COL4A4: variants seen among roughly 807,000 people sequenced by gnomAD.
COL4A4 encodes collagen type IV alpha 4 chain.
COL4A4 carries 105 observed loss-of-function variants against 192.9 expected under a neutral mutation model. The ratio of observed to expected loss-of-function variants is 0.54; its 90% confidence interval spans 0.46 to 0.64. The LOEUF is 0.64. Among genes scored for constraint, COL4A4 ranks in the 30% least tolerant of loss-of-function variants. COL4A4 has a pLI of 0.00. For synonymous variants in COL4A4, 762 were observed against 769.9 expected (o/e 0.99, Z 0.17); for missense variants, 1,967 against 2,169.3 (o/e 0.91, Z 1.85).
In COL4A4 at chr2:227,144,516, C is replaced by T; in HGVS notation, c.114G>A (p.Gly38=). The T allele has an allele frequency of 1.9e-6, 3 of 1,609,114 alleles. No homozygotes were observed. The highest frequency in any genetic ancestry group is 2.2e-5 in the East Asian group (1 of 44,782). The change falls in exon 3 of 48, where the codon GGG becomes GGA. Residue 38 remains glycine (G), a splice_region_variant and synonymous_variant. Transcript: ENST00000396625. The stretch of plus-strand genomic sequence containing the variant: ...AACCAGAGCTAGTGAATGTACTTAC[C>T]CCATATACATATTGTACAGAAAAGA... The part of the protein sequence containing the change: ...LILFSVQYVY[G]SGKKYIGPCG...
Position 227,111,011 on chromosome 2 carries a change from A to T in COL4A4, c.594+667T>A, listed in dbSNP as rs112685436. Among the ~76,000 whole-genome samples, 581 of 152,326 alleles carry T rather than the reference A, an allele frequency of 3.8e-3. 3 individuals are homozygous for T. The highest frequency in any genetic ancestry group is 0.013 in the African/African-American group (534 of 41,572). On this transcript the variant is annotated intron_variant, in intron 9 of 47. Coordinates refer to ENST00000396625, the MANE Select transcript of COL4A4 (RefSeq NM_000092.5). ...ACTGCTCTCAATTTTAGTCTTGTAA[A>T]CATCGAAAAACTGGAAAGACTAATA... is the stretch of plus-strand genomic sequence containing the variant.
At chr2:227,079,876 C>T (rs2059226236) in intron 24 of COL4A4, among the ~76,000 whole-genome samples, 1 of 152,160 alleles carries the variant, frequency 6.6e-6, no homozygotes, top group Admixed American at 6.5e-5. Flanking sequence ...ATCGGATCAT[C>T]TCATCCTCTT....
chr2:227,050,970 C>T lies in COL4A4; in HGVS notation c.3150+7G>A. 6.2e-7 allele frequency: 1 copy of T among 1,614,166 alleles called. No individual in the cohort carries two copies. Among genetic ancestry groups the T allele is most frequent in the Non-Finnish European group, 8.5e-7 (1 of 1,180,032 alleles). On this transcript the variant is annotated splice_region_variant and intron_variant, in intron 33 of 47. Transcript: ENST00000396625. ...GTCTCTTCCCCCACAAAGCAGTAGCCCCTTACCTGGTCACCTGGAAGTCCT... is the reference window on the plus strand; with the variant it reads ...GTCTCTTCCCCCACAAAGCAGTAGCTCCTTACCTGGTCACCTGGAAGTCCT...
chr2:227,120,558 G>A (rs2061719744), intron 5 of COL4A4, among the ~76,000 whole-genome samples: 1 of 152,014 alleles, frequency 6.6e-6, no homozygotes, highest in Admixed American at 6.6e-5. Flanking sequence ...TCTGGAAAGG[G>A]GCCAAAAATG....
chr2:227,150,688 GC>G (rs1465000260), intron 1 of COL4A4, among the ~76,000 whole-genome samples: 1 of 152,166 alleles, frequency 6.6e-6, no homozygotes, highest in African/African-American at 2.4e-5. Flanking sequence ...TCTTCACAGG[GC>G]AGCAGGAGAC....
chr2:227,159,932 T>A (rs2064681578), intron 1 of COL4A4, among the ~76,000 whole-genome samples: 2 of 152,328 alleles, frequency 1.3e-5, no homozygotes, highest in Middle Eastern at 3.4e-3. Flanking sequence ...GAACAACAAA[T>A]CACCACATAT....
intron 37 of COL4A4, among the ~76,000 whole-genome samples, chr2:227,035,680 C>A (rs1969512091): frequency 6.6e-6 from 1 of 152,174 alleles, no homozygotes; most frequent in Non-Finnish European, 1.5e-5. Context: ...AACACACAGA[C>A]CTTCTTTATC....
At position 227,026,498 on chromosome 2, in the gene COL4A4, C is replaced by CAA. The variant is rs1223060129; in HGVS notation, c.4082-690_4082-689dup. 9.5e-3 allele frequency among the ~76,000 whole-genome samples: 691 copies of CAA among 72,810 alleles called. 7 individuals carry two copies. Among genetic ancestry groups the CAA allele is most frequent in the African/African-American group, 0.03 (657 of 21,776 alleles). The allele number at this position is 72,810 out of a possible 152,430, so 47.8% of individuals were successfully genotyped here. ...TGGGTGACAAAGCGAGACTCCGTCTCAAAAAAAAAAAAAAAAAGAATCAAC... is the reference window on the plus strand; with the variant it reads ...TGGGTGACAAAGCGAGACTCCGTCTCAAAAAAAAAAAAAAAAAAAGAATCAAC... On this transcript the variant is annotated intron_variant, in intron 42 of 47. Transcript: ENST00000396625.
intron 19 of COL4A4, among the ~76,000 whole-genome samples, chr2:227,097,102 G>A (rs1177504034): frequency 6.6e-6 from 1 of 152,116 alleles, no homozygotes; most frequent in East Asian, 1.9e-4. Context: ...ACCTGATGTG[G>A]ACTCAATACA....
the COL4A4 span, among the ~76,000 whole-genome samples, chr2:226,987,954 C>A: frequency 6.6e-6 from 1 of 152,076 alleles, no homozygotes; most frequent in Non-Finnish European, 1.5e-5. Flanking sequence ...GCAAACTGGG[C>A]AATGGTTGCT....
At chr2:227,028,056 A>C (rs1304294672) in intron 41 of COL4A4, 47 bp from the exon 42 acceptor site, 1 of 1,264,450 alleles carries the variant, frequency 7.9e-7, no homozygotes, top group Admixed American at 2.0e-5. Flanking sequence ...GAATGAGACA[A>C]GATAAAAACA....
At chr2:227,068,151 TC>T (rs1278083658) in intron 25 of COL4A4, among the ~76,000 whole-genome samples, 2 of 148,686 alleles carry the variant, frequency 1.3e-5, no homozygotes, top group Non-Finnish European at 3.0e-5. Context: ...ACATACACTC[TC>T]CCAAGACTAA....
intron 4 of COL4A4, among the ~76,000 whole-genome samples, chr2:227,133,977 C>T (rs1477980688): frequency 6.6e-6 from 1 of 152,140 alleles, no homozygotes; most frequent in African/African-American, 2.4e-5. Flanking sequence ...AAGATTCAGG[C>T]TTTAACTTTT....
At chr2:227,140,875 TCACACA>T (rs71036159) in intron 3 of COL4A4, among the ~76,000 whole-genome samples, 37,002 of 139,648 alleles carry the variant, frequency 0.26, 5,229 homozygotes, top group Non-Finnish European at 0.32. Flanking sequence ...CTTTAGAGCA[TCACACA>T]CACACACACA....
At chr2:226,998,602 G>C (rs749101652), downstream of COL4A4, 1 of 151,652 alleles carries the variant, frequency 6.6e-6, no homozygotes, top group Non-Finnish European at 1.5e-5. Flanking sequence ...ATGGCTGCTA[G>C]TATTTTATTT....
At position 227,107,089 on chromosome 2, in the gene COL4A4, T is replaced by C. The variant is rs114097670; in HGVS notation, c.735+1492A>G. Among the ~76,000 whole-genome samples the C allele has an allele frequency of 8.4e-3, 1,286 of 152,328 alleles. 31 individuals are homozygous for C. Among genetic ancestry groups the C allele is most frequent in the African/African-American group, 0.03 (1,238 of 41,554 alleles). Reference sequence around the variant, plus strand: ...CGGGCTCCTGTGGCTTCGACGAACATATTCCAGAGCTCCATGGCTTCCCAA... The same window carrying C: ...CGGGCTCCTGTGGCTTCGACGAACACATTCCAGAGCTCCATGGCTTCCCAA... On this transcript the variant is annotated intron_variant, in intron 12 of 47. Transcript: ENST00000396625.
chr2:227,094,493 T>C (rs1334649942), intron 19 of COL4A4, among the ~76,000 whole-genome samples: 4 of 152,070 alleles, frequency 2.6e-5, no homozygotes, highest in African/African-American at 7.2e-5. Flanking sequence ...GAATCTGAAA[T>C]AGTCAAACTC....
chr2:227,094,026 ATAAC>A, intron 20 of COL4A4, 95 bp downstream of exon 20: 1 of 1,199,642 alleles, frequency 8.3e-7, no homozygotes, highest in Non-Finnish European at 1.2e-6. Flanking sequence ...GAAACATCAT[ATAAC>A]TTTTAAAATA....
chr2:227,153,228 A>C (rs1012533835), intron 1 of COL4A4, among the ~76,000 whole-genome samples: 2 of 152,178 alleles, frequency 1.3e-5, no homozygotes, highest in African/African-American at 4.8e-5. Flanking sequence ...TGGGAGCTAC[A>C]ATTTAAAATG....
Sources: gnomAD v4.1 joint callset for allele counts (sites outside exome capture counted in the v4.1 genomes callset) on GRCh38, gnomAD v4.1.1 for gene constraint, MANE v1.5 for transcripts, NCBI Gene and HGNC (gene_info 2026-07-23, HGNC 2026-07-21) for gene names.